Variants in AGBL1 observed in about 807,000 individuals in gnomAD.
AGBL1 encodes the protein AGBL carboxypeptidase 1.
AGBL1 carries 130 observed loss-of-function variants against 118.9 expected under a neutral mutation model. That is an observed-to-expected ratio of 1.09 (90% CI 0.95 to 1.26). AGBL1 has a LOEUF of 1.26. Ranked by LOEUF, AGBL1 falls within the 50% of genes most tolerant of loss-of-function variation. The probability of loss-of-function intolerance (pLI) is 0.00; values close to 1 mark genes in which losing one functional copy is unlikely to be tolerated. For synonymous variants in AGBL1, 555 were observed against 478.9 expected (o/e 1.16, Z -2.08); for missense variants, 1,584 against 1,298.1 (o/e 1.22, Z -3.38).
chr15:86,173,733 T>G (rs947523118), intron 5 of AGBL1, among the ~76,000 whole-genome samples: 1 of 152,080 alleles, frequency 6.6e-6, no homozygotes, highest in Non-Finnish European at 1.5e-5. Context: ...TGGTGCTTTT[T>G]TCAAAAATCA....
At chr15:86,593,029 C>T (rs923477545) in intron 21 of AGBL1, among the ~76,000 whole-genome samples, 22 of 152,114 alleles carry the variant, frequency 1.4e-4, no homozygotes, top group Non-Finnish European at 2.9e-5. Flanking sequence ...CTCCCTTTAT[C>T]TCTATCCTCT....
At chr15:86,338,094 A>G (rs2080402852) in intron 17 of AGBL1, among the ~76,000 whole-genome samples, 1 of 152,166 alleles carries the variant, frequency 6.6e-6, no homozygotes, top group Non-Finnish European at 1.5e-5. Context: ...GAAATGGAAG[A>G]AAGAATAGCA....
chr15:86,273,042 A>C (rs961018765), intron 15 of AGBL1, among the ~76,000 whole-genome samples: 3 of 152,258 alleles, frequency 2.0e-5, no homozygotes, highest in African/African-American at 7.2e-5. Flanking sequence ...TTTCTCTGAA[A>C]ATAGTTATTC....
intron 22 of AGBL1, among the ~76,000 whole-genome samples, chr15:86,861,549 G>A (rs892783920): frequency 6.6e-6 from 1 of 152,176 alleles, no homozygotes; most frequent in African/African-American, 2.4e-5. Context: ...TATTATGAGT[G>A]TGACCTTGGT....
At chr15:86,283,693 C>T (rs1597677547) in intron 16 of AGBL1, among the ~76,000 whole-genome samples, 1 of 152,094 alleles carries the variant, frequency 6.6e-6, no homozygotes, top group Non-Finnish European at 1.5e-5. Flanking sequence ...GTCAAGTAAT[C>T]AGTAGACAGA....
chr15:86,446,673 C>G (rs1282764122), intron 18 of AGBL1, among the ~76,000 whole-genome samples: 4 of 152,284 alleles, frequency 2.6e-5, no homozygotes, highest in Admixed American at 2.0e-4. Context: ...TTTCGACTCC[C>G]CTTAAAGATG....
At chr15:86,317,179 TAAAG>T (rs2080025676) in intron 17 of AGBL1, 1 of 152,220 alleles carries the variant, frequency 6.6e-6, no homozygotes, top group Admixed American at 6.5e-5. Flanking sequence ...ATACTGTTCT[TAAAG>T]GAAGTGTCCA....
chr15:86,673,411 C>T (rs932435548), intron 21 of AGBL1, among the ~76,000 whole-genome samples: 1 of 152,194 alleles, frequency 6.6e-6, no homozygotes, highest in Non-Finnish European at 1.5e-5. Context: ...TTCTAGCTCA[C>T]CACAATGGAG....
At chr15:86,646,967 T>C (rs78246090) in intron 21 of AGBL1, among the ~76,000 whole-genome samples, 8,798 of 152,276 alleles carry the variant, frequency 0.058, 842 homozygotes, top group African/African-American at 0.19. Flanking sequence ...TGACATTTCC[T>C]TATTCTGTAT....
At chr15:86,862,485 C>T (rs1302197035) in intron 22 of AGBL1, among the ~76,000 whole-genome samples, 3 of 152,102 alleles carry the variant, frequency 2.0e-5, no homozygotes, top group African/African-American at 4.8e-5. Flanking sequence ...TTTGGGAGGC[C>T]GAGGCGGGCG....
intron 17 of AGBL1, among the ~76,000 whole-genome samples, chr15:86,364,638 A>G (rs2080852368): frequency 6.6e-6 from 1 of 152,096 alleles, no homozygotes; most frequent in South Asian, 2.1e-4. Context: ...TACATTATTT[A>G]CTTTGTAATA....
At chr15:86,805,091 C>T (rs1227112368) in intron 22 of AGBL1, among the ~76,000 whole-genome samples, 1 of 151,970 alleles carries the variant, frequency 6.6e-6, no homozygotes, top group Non-Finnish European at 1.5e-5. Flanking sequence ...TTTCTGGCCC[C>T]AGGAGATAAT....
rs981334345 is a variant in AGBL1 at position 86,639,138 on chromosome 15, G to A, written c.2995-35135G>A. 3.9e-5 allele frequency among the ~76,000 whole-genome samples: 6 copies of A among 152,100 alleles called. No homozygotes were observed. In the East Asian group the frequency reaches 5.8e-4, roughly 15 times the overall value. On this transcript the variant is annotated intron_variant, in intron 21 of 22. Coordinates refer to ENST00000614907, the MANE Select transcript of AGBL1 (RefSeq NM_001386094.1). ...TACTTAACCATAGAATTGACATCTC[G>A]CCACCTTTACTGTATTCTATTGGTT...
intron 17 of AGBL1, among the ~76,000 whole-genome samples, chr15:86,371,961 C>T (rs1283014019): frequency 1.3e-5 from 2 of 152,052 alleles, no homozygotes; most frequent in Non-Finnish European, 2.9e-5. Context: ...CCATCTGGGG[C>T]GGGGGTACCT....
intron 1 of AGBL1, among the ~76,000 whole-genome samples, chr15:86,080,447 A>G (rs1415531464): frequency 6.6e-6 from 1 of 152,156 alleles, no homozygotes. Flanking sequence ...CTCCTGCTAA[A>G]TGGCTATCTT....
At chr15:86,693,723 T>A (rs771147532) in intron 22 of AGBL1, among the ~76,000 whole-genome samples, 10 of 152,160 alleles carry the variant, frequency 6.6e-5, no homozygotes, top group African/African-American at 2.2e-4. Context: ...ACTTTTATAG[T>A]TTCAGGTCTT....
rs548647996 is a variant in AGBL1 at position 86,473,566 on chromosome 15, A to G, written c.2556-49244A>G. Among the ~76,000 whole-genome samples, 15 of 152,236 alleles carry G rather than the reference A, an allele frequency of 9.9e-5. No individual in the cohort carries two copies. The South Asian group carries it at 3.1e-3, about 32-fold the overall frequency. The stretch of plus-strand genomic sequence containing the variant: ...ATTTTTTTCTATTTGTTTTTTTTAA[A>G]AAAGGTCATGTGTACATACTTTGTG... On this transcript the variant is annotated intron_variant, in intron 18 of 22. Coordinates refer to ENST00000614907, the MANE Select transcript of AGBL1 (RefSeq NM_001386094.1).
chr15:86,524,757 C>T (rs2083239382), intron 19 of AGBL1, among the ~76,000 whole-genome samples: 1 of 152,096 alleles, frequency 6.6e-6, no homozygotes, highest in Non-Finnish European at 1.5e-5. Flanking sequence ...AAGTTTATTT[C>T]CTAGGAGTCA....
At chr15:86,207,795 A>T (rs200620439) in intron 5 of AGBL1, among the ~76,000 whole-genome samples, 1 of 152,110 alleles carries the variant, frequency 6.6e-6, no homozygotes, top group Non-Finnish European at 1.5e-5. Flanking sequence ...CTAATTGAAT[A>T]CCCTTTATTT....
Sources: allele counts gnomAD v4.1 joint callset (sites outside exome capture counted in the v4.1 genomes callset), GRCh38; gene constraint gnomAD v4.1.1; transcripts MANE v1.5; gene names NCBI Gene and HGNC (gene_info 2026-07-23, HGNC 2026-07-21).